The following CTSH variants were observed in gnomAD, a reference collection of about 807,000 sequenced individuals.
CTSH encodes the protein pro-cathepsin H.
Under a neutral mutation model 56.3 loss-of-function variants are expected in CTSH, and 52 were observed. The ratio of observed to expected loss-of-function variants is 0.92; its 90% CI spans 0.74 to 1.16. The LOEUF (loss-of-function observed/expected upper bound fraction) is 1.16. CTSH is among the 50% of genes most tolerant of loss of function. CTSH has a pLI of 0.00. For synonymous variants in CTSH, 174 were observed against 155.7 expected (o/e 1.12, Z -0.88); for missense variants, 406 against 424.5 (o/e 0.96, Z 0.38).
At position 78,941,152 on chromosome 15, in the gene CTSH, C is replaced by T. The variant is rs142696438; in HGVS notation, c.92-1981G>A. ...ATTTAAATTATTTATTTTGGCTGGG[C>T]GCCGTGGCTCATGCCTGTAATCCCA... On this transcript the variant is annotated intron_variant, in intron 1 of 11. Transcript: ENST00000220166. Among the ~76,000 whole-genome samples, 539 of 151,616 alleles carry T rather than the reference C, an allele frequency of 3.6e-3. 1 individual carries two copies. The highest frequency in any genetic ancestry group is 0.01 in the Middle Eastern group (3 of 288).
rs375601338 is a variant in CTSH, at chr15:78,927,771, C to T, written c.641G>A (p.Cys214Tyr). Residue 214 changes from cysteine to tyrosine, a missense_variant, in exon 9 of 12, where the codon TGC (cysteine) becomes TAC (tyrosine). Physicochemically the swap from Cys to Tyr is radical, Grantham distance 194. Coordinates refer to ENST00000220166, the MANE Select transcript of CTSH (RefSeq NM_004390.5). ...GATGGCCTTTCCAGGTTGGAACTTG[C>T]AATAACCATCCTGTTGAGGATGCAA... ...TYPYQGKDGY[C>Y]KFQPGKAIGF... 2 of 1,614,118 alleles carry T rather than the reference C, an allele frequency of 1.2e-6. No homozygotes were observed. Among genetic ancestry groups the T allele is most frequent in the Non-Finnish European group, 1.7e-6 (2 of 1,179,966 alleles).
chr15:78,938,675 T>G (rs1033197176), intron 2 of CTSH, among the ~76,000 whole-genome samples: 1 of 152,194 alleles, frequency 6.6e-6, no homozygotes, highest in African/African-American at 2.4e-5. Context: ...GGCACTTAGG[T>G]TGATTCCATA....
intron 1 of CTSH, chr15:78,944,612 G>A (rs2055356937): frequency 5.3e-6 from 2 of 374,310 alleles, no homozygotes; most frequent in African/African-American, 4.2e-5. Context: ...AGGAGCTGCG[G>A]GCTCCTTTGG....
At position 78,941,712 on chromosome 15, in the gene CTSH, C is replaced by T. The variant is rs547503909; in HGVS notation, c.92-2541G>A. ...TCAGGAGGCTGAGGCAGGAGAATGG[C>T]GTGAACCCGGGAGGCGGGGCTTGCA... On this transcript the variant is annotated intron_variant, in intron 1 of 11. Coordinates refer to ENST00000220166, the MANE Select transcript of CTSH (RefSeq NM_004390.5). 9.6e-4 allele frequency among the ~76,000 whole-genome samples: 136 copies of T among 141,282 alleles called. 1 individual carries two copies. Among genetic ancestry groups the T allele is most frequent in the Non-Finnish European group, 1.5e-3 (99 of 64,468 alleles). 92.7% of individuals were successfully genotyped at this position (141,282 alleles called of 152,430 possible). A position where few individuals can be genotyped will look rare whatever the true frequency, so the allele number is the denominator to read the frequency against.
Position 78,921,955 on chromosome 15 carries a change from T to C in CTSH, c.*175A>G. 1.6e-6 allele frequency: 1 copy of C among 610,562 alleles called. No individual in the cohort carries two copies. Among genetic ancestry groups the C allele is most frequent in the Non-Finnish European group, 2.9e-6 (1 of 345,058 alleles). 37.8% of individuals were successfully genotyped at this position (610,562 alleles called of 1,614,324 possible). The stretch of plus-strand genomic sequence containing the variant: ...CTTTGCGTCATAGACACGGGTGAGC[T>C]CATGGTGGAACTCCTCCTTGTCTGT... On this transcript the variant is annotated 3_prime_UTR_variant, in exon 12 of 12. Coordinates refer to ENST00000220166, the MANE Select transcript of CTSH (RefSeq NM_004390.5).
intron 5 of CTSH, among the ~76,000 whole-genome samples, chr15:78,934,025 G>C (rs1042909873): frequency 6.6e-6 from 1 of 152,156 alleles, no homozygotes; most frequent in African/African-American, 2.4e-5. Context: ...TTTAGGTTAC[G>C]TGTTGCTCTG....
In CTSH at chr15:78,937,637, C is replaced by T. The variant is rs886647555; in HGVS notation, c.124-214G>A. The T allele has an allele frequency of 6.4e-6, 9 of 1,400,952 alleles. No homozygotes were observed. In the African/African-American group the frequency reaches 1.3e-4, roughly 20 times the overall value. The allele number at this position is 1,400,952 out of a possible 1,614,324, so 86.8% of individuals were successfully genotyped here. ...ACCTGTGGCCAGAATGAAGACCATG[C>T]AGCTGCGTGAAAGTCAGAATGTGGT... On this transcript the variant is annotated intron_variant, in intron 2 of 11. Coordinates refer to ENST00000220166, the MANE Select transcript of CTSH (RefSeq NM_004390.5).
At chr15:78,939,387 A>G (rs2055241919) in intron 1 of CTSH, among the ~76,000 whole-genome samples, 1 of 152,196 alleles carries the variant, frequency 6.6e-6, no homozygotes, top group Non-Finnish European at 1.5e-5. Context: ...ACTATTAGTC[A>G]ATGGTGTTGA....
Position 78,932,387 on chromosome 15 carries a change from T to G in CTSH, c.477A>C (p.Gly159=), listed in dbSNP as rs765326132. The stretch of plus-strand genomic sequence containing the variant: ...GATTTCTTACCAAGGACAGCATCTT[T>G]CCGGTTGCGATGGCGATCGCAGACT... ...ALESAIAIAT[G]KMLSLAEQQL... is the part of the protein sequence containing the mutation. Residue 159 remains glycine (G), a synonymous_variant, in exon 6 of 12, where the codon GGA becomes GGC. Coordinates refer to ENST00000220166, the MANE Select transcript of CTSH (RefSeq NM_004390.5). 10 of 1,613,936 alleles carry G rather than the reference T, an allele frequency of 6.2e-6. No individual in the cohort carries two copies. Among genetic ancestry groups the G allele is most frequent in the Non-Finnish European group, 8.5e-6 (10 of 1,179,958 alleles).
rs2054940182 is a variant in CTSH, at chr15:78,927,651, A to C, written c.699+62T>G. 2.0e-6 allele frequency: 3 copies of C among 1,476,926 alleles called. No homozygotes were observed. The Admixed American group carries it at 5.0e-5, about 25-fold the overall frequency. The allele number at this position is 1,476,926 out of a possible 1,614,324, so 91.5% of individuals were successfully genotyped here. ...TTGCTGGGCCCACTGGCTATCCGAC[A>C]GCATGAGAGAGGCCTCCTCATCAGG... On this transcript the variant is annotated intron_variant, in intron 9 of 11. Transcript: ENST00000220166.
Position 78,944,756 on chromosome 15 carries a change from C to T in CTSH, c.91+135G>A, listed in dbSNP as rs1005118441. The T allele has an allele frequency of 4.7e-5, 63 of 1,351,908 alleles. No homozygotes were observed. The African/African-American group carries it at 8.8e-4, about 19-fold the overall frequency. The allele number at this position is 1,351,908 out of a possible 1,614,324, so 83.7% of individuals were successfully genotyped here. A position where few individuals can be genotyped will look rare whatever the true frequency, so the allele number is the denominator to read the frequency against. ...CAGTTTACCCCTCCCCGTGCCAGCACGCAGAGTTCCTGGCCTCTCACCGGG... is the reference window on the plus strand; with the variant it reads ...CAGTTTACCCCTCCCCGTGCCAGCATGCAGAGTTCCTGGCCTCTCACCGGG... On this transcript the variant is annotated intron_variant, in intron 1 of 11. Transcript: ENST00000220166.
intron 1 of CTSH, 135 bp from the exon 2 acceptor site, chr15:78,939,306 T>C (rs1208167457): frequency 1.6e-6 from 1 of 632,020 alleles, no homozygotes; most frequent in Non-Finnish European, 2.7e-6. Flanking sequence ...TGGTGTTATA[T>C]AATGCAGAAT....
At position 78,937,349 on chromosome 15, in the gene CTSH, G is replaced by A. The variant is rs144057694; in HGVS notation, c.198C>T (p.Asn66=). ...ATGTGTGGTTCCCATTGTTGTGGGCGTTTATCTTCCTCCAGTTGCTGGCAA... is the reference window on the plus strand; with the variant it reads ...ATGTGTGGTTCCCATTGTTGTGGGCATTTATCTTCCTCCAGTTGCTGGCAA... The part of the protein sequence containing the change: ...QTFASNWRKI[N]AHNNGNHTFK... Residue 66 remains asparagine (N), a synonymous_variant, in exon 3 of 12, where the codon AAC becomes AAT. Coordinates refer to ENST00000220166, the MANE Select transcript of CTSH (RefSeq NM_004390.5). 194 of 1,613,914 alleles carry A rather than the reference G, an allele frequency of 1.2e-4. 1 individual carries two copies. In the African/African-American group the frequency reaches 2.3e-3, roughly 19 times the overall value.
intron 1 of CTSH, among the ~76,000 whole-genome samples, chr15:78,942,511 CCTCA>C (rs2055317646): frequency 6.6e-6 from 1 of 152,212 alleles, no homozygotes; most frequent in Non-Finnish European, 1.5e-5. Context: ...CCACGCCTGG[CCTCA>C]CTCAACATTA....
chr15:78,933,305 G>T (rs2055105694), intron 5 of CTSH, among the ~76,000 whole-genome samples: 1 of 152,246 alleles, frequency 6.6e-6, no homozygotes, highest in South Asian at 2.1e-4. Context: ...GGAATGGCGA[G>T]GGTTCCTGCT....
chr15:78,928,410 T>C lies in CTSH; in HGVS notation c.631-629A>G, dbSNP rs374048760. The stretch of plus-strand genomic sequence containing the variant: ...TGAAACCCTGTCTCTACTAAAAATA[T>C]AAAAAGTTAGCTGGGCGTGGTGGCG... On this transcript the variant is annotated intron_variant, in intron 8 of 11. Transcript: ENST00000220166. Among the ~76,000 whole-genome samples, 119 of 124,498 alleles carry C rather than the reference T, an allele frequency of 9.6e-4. 6 individuals are homozygous for C. The highest frequency in any genetic ancestry group is 5.4e-3 in the East Asian group (16 of 2,970). 81.7% of individuals were successfully genotyped at this position (124,498 alleles called of 152,430 possible).
At chr15:78,930,363 C>T (rs1183235149) in intron 7 of CTSH, among the ~76,000 whole-genome samples, 4 of 152,008 alleles carry the variant, frequency 2.6e-5, no homozygotes, top group Non-Finnish European at 5.9e-5. Flanking sequence ...CCCATCTCTA[C>T]TAAAAATACA....
At position 78,945,031 on chromosome 15, in the gene CTSH, G is replaced by A. The variant is rs1437578746; in HGVS notation, c.-50C>T. 8.4e-6 allele frequency: 12 copies of A among 1,432,786 alleles called. No homozygotes were observed. Among genetic ancestry groups the A allele is most frequent in the Non-Finnish European group, 1.1e-5 (12 of 1,084,068 alleles). 88.8% of individuals were successfully genotyped at this position (1,432,786 alleles called of 1,614,324 possible). A position where few individuals can be genotyped will look rare whatever the true frequency, so the allele number is the denominator to read the frequency against. On this transcript the variant is annotated 5_prime_UTR_variant, in exon 1 of 12. Transcript: ENST00000220166. ...GCGCTCAGGGTCCGCGGAGGTGGCGGCCCAGAGCGTCAACTGGGAGCGCGG... is the reference window on the plus strand; with the variant it reads ...GCGCTCAGGGTCCGCGGAGGTGGCGACCCAGAGCGTCAACTGGGAGCGCGG...
intron 11 of CTSH, among the ~76,000 whole-genome samples, 184 bp downstream of exon 11, chr15:78,922,809 G>A (rs757139448): frequency 3.3e-5 from 5 of 152,224 alleles, no homozygotes; most frequent in Non-Finnish European, 7.3e-5. Context: ...TGTGAGGGCT[G>A]CAAATGGGGG....
Sources: gnomAD v4.1 joint callset for allele counts (sites outside exome capture counted in the v4.1 genomes callset) on GRCh38, gnomAD v4.1.1 for gene constraint, MANE v1.5 for transcripts, NCBI Gene and HGNC (gene_info 2026-07-23, HGNC 2026-07-21) for gene names.